The following PTPRD variants were observed in gnomAD, a reference collection of about 807,000 sequenced individuals.
PTPRD encodes receptor-type tyrosine-protein phosphatase delta.
In PTPRD, 34 loss-of-function variants were observed where a neutral mutation model predicts 214.5. The observed-to-expected ratio is 0.16, with a 90% CI of 0.12 to 0.21. PTPRD has a LOEUF of 0.21. Among genes scored for constraint, PTPRD ranks in the 10% least tolerant of loss-of-function variants. The probability of loss-of-function intolerance (pLI) is 1.00; values close to 1 mark genes in which losing one functional copy is unlikely to be tolerated. For missense variants in PTPRD, 2,545 were observed against 2,398.7 expected, an observed-to-expected ratio of 1.06 and a Z score of -1.27; for synonymous variants, 1,128 against 845.7, an observed-to-expected ratio of 1.33 and a Z score of -5.79.
At chr9:8,748,522 C>CAAAAAAAAAAAAAAAAAAAAA (rs1239091825) in intron 11 of PTPRD, among the ~76,000 whole-genome samples, 1 of 37,830 alleles carries the variant, frequency 2.6e-5, no homozygotes, top group Non-Finnish European at 6.1e-5. Context: ...CCTGCAACTG[C>CAAAAAAAAAAAAAAAAAAAAA]AAAAAAAAAA....
At chr9:9,858,853 T>C (rs1196505561) in intron 5 of PTPRD, among the ~76,000 whole-genome samples, 1 of 152,020 alleles carries the variant, frequency 6.6e-6, no homozygotes, top group African/African-American at 2.4e-5. Flanking sequence ...GGGGAAAAAA[T>C]TAATCCAACC....
chr9:10,274,009 T>C (rs1017423053), intron 3 of PTPRD, among the ~76,000 whole-genome samples: 5 of 152,138 alleles, frequency 3.3e-5, no homozygotes, highest in African/African-American at 1.2e-4. Context: ...ATACTACTTC[T>C]GTTTGTATCC....
intron 8 of PTPRD, among the ~76,000 whole-genome samples, chr9:9,502,053 C>T (rs1319464860): frequency 6.6e-6 from 1 of 151,814 alleles, no homozygotes; most frequent in Non-Finnish European, 1.5e-5. Flanking sequence ...ACCACTACCA[C>T]AATCGATGTC....
Position 10,606,533 on chromosome 9 carries a change from CT to C in PTPRD, c.-600+5864del, listed in dbSNP as rs34402701. On this transcript the variant is annotated intron_variant, in intron 2 of 45. Coordinates refer to ENST00000381196, the MANE Select transcript of PTPRD (RefSeq NM_002839.4). ...CACTCCATTACTTCTTCTTTATTTT[CT>C]TTTTTTTTTTTTCTGTTTCTGTGCT... 2.0e-3 allele frequency among the ~76,000 whole-genome samples: 282 copies of C among 143,422 alleles called. 1 individual carries two copies. The highest frequency in any genetic ancestry group is 5.3e-3 in the African/African-American group (208 of 39,166). 94.1% of individuals were successfully genotyped at this position (143,422 alleles called of 152,430 possible). A position where few individuals can be genotyped will look rare whatever the true frequency, so the allele number is the denominator to read the frequency against.
chr9:9,082,692 C>A (rs1228850411), intron 10 of PTPRD, among the ~76,000 whole-genome samples: 1 of 152,128 alleles, frequency 6.6e-6, no homozygotes, highest in Admixed American at 6.6e-5. Context: ...TGAGAAGCAA[C>A]TTCAGCAAAG....
intron 7 of PTPRD, among the ~76,000 whole-genome samples, chr9:9,600,211 A>G (rs1186673934): frequency 6.6e-6 from 1 of 152,106 alleles, no homozygotes; most frequent in African/African-American, 2.4e-5. Flanking sequence ...TGTGACACAA[A>G]TTATTTGCCA....
chr9:8,922,210 A>G (rs939577283), intron 11 of PTPRD, among the ~76,000 whole-genome samples: 1 of 152,126 alleles, frequency 6.6e-6, no homozygotes, highest in Non-Finnish European at 1.5e-5. Context: ...TTCTCTATTA[A>G]GTCCAGTGTT....
chr9:10,344,545 A>G (rs1045512657), intron 2 of PTPRD, among the ~76,000 whole-genome samples: 3 of 152,262 alleles, frequency 2.0e-5, no homozygotes, highest in African/African-American at 7.2e-5. Flanking sequence ...ACTTTAAAGT[A>G]GTTTTTTTCC....
At chr9:9,072,935 G>C (rs529323721) in intron 10 of PTPRD, among the ~76,000 whole-genome samples, 7 of 152,124 alleles carry the variant, frequency 4.6e-5, no homozygotes, top group Non-Finnish European at 2.9e-5. Context: ...AAAAAATTAC[G>C]TGCCATCTTG....
chr9:9,467,010 C>T (rs1448836977), intron 8 of PTPRD, among the ~76,000 whole-genome samples: 1 of 151,972 alleles, frequency 6.6e-6, no homozygotes, highest in Non-Finnish European at 1.5e-5. Flanking sequence ...TAAGTCTTTC[C>T]ACTCATGTAT....
chr9:10,116,841 CTGGGAGCCTTTGCACT>C (rs1434998303), intron 3 of PTPRD, among the ~76,000 whole-genome samples: 5 of 152,074 alleles, frequency 3.3e-5, no homozygotes, highest in Non-Finnish European at 5.9e-5. Flanking sequence ...ATACCCCCAA[CTGGGAGCCTTTGCACT>C]TGCTCTTCCT....
intron 9 of PTPRD, among the ~76,000 whole-genome samples, chr9:9,333,062 T>C (rs1417755017): frequency 6.6e-6 from 1 of 151,950 alleles, no homozygotes; most frequent in Non-Finnish European, 1.5e-5. Context: ...TATTAAATGT[T>C]TGAGCTGTTC....
chr9:9,097,758 A>C (rs1460476778), intron 10 of PTPRD, among the ~76,000 whole-genome samples: 1 of 152,114 alleles, frequency 6.6e-6, no homozygotes, highest in Non-Finnish European at 1.5e-5. Context: ...TATGGGTCTC[A>C]TGTTTCTACA....
intron 9 of PTPRD, among the ~76,000 whole-genome samples, chr9:9,275,199 T>TATATAACATATATATAATATATATGTTA (rs1491465404): frequency 1.9e-4 from 2 of 10,394 alleles, no homozygotes; most frequent in Admixed American, 2.0e-3. Flanking sequence ...TATATATATA[T>TATATAACATATATATAATATATATGTTA]TATATATATA....
At chr9:10,532,009 A>T (rs2056497485) in intron 2 of PTPRD, 1 of 152,124 alleles carries the variant, frequency 6.6e-6, no homozygotes, top group Admixed American at 6.6e-5. Context: ...TTAATACTTT[A>T]TTTTAAAATT....
intron 11 of PTPRD, among the ~76,000 whole-genome samples, chr9:8,780,951 A>G (rs1192544136): frequency 6.6e-6 from 1 of 152,210 alleles, no homozygotes; most frequent in Non-Finnish European, 1.5e-5. Flanking sequence ...AGATATTGTA[A>G]GTATAAATTA....
At chr9:9,263,795 C>T (rs1260177992) in intron 9 of PTPRD, among the ~76,000 whole-genome samples, 1 of 151,642 alleles carries the variant, frequency 6.6e-6, no homozygotes, top group Non-Finnish European at 1.5e-5. Flanking sequence ...ACACCACAGA[C>T]ACTTGAGTAG....
At chr9:9,840,761 CAAAAAAAAAAAAAAAAAAAAAAAAA>C (rs59780411) in intron 5 of PTPRD, among the ~76,000 whole-genome samples, 2 of 61,622 alleles carry the variant, frequency 3.2e-5, no homozygotes, top group Non-Finnish European at 5.3e-5. Flanking sequence ...GACTCCGTTT[CAAAAAAAAAAAAAAAAAAAAAAAAA>C]AAAAAAAAAA....
intron 6 of PTPRD, among the ~76,000 whole-genome samples, chr9:9,735,866 C>T (rs1445267465): frequency 6.6e-5 from 10 of 151,986 alleles, no homozygotes; most frequent in African/African-American, 2.2e-4. Flanking sequence ...CTTTGCGGTG[C>T]GTTATAAACC....
Sources: allele counts gnomAD v4.1 joint callset (sites outside exome capture counted in the v4.1 genomes callset), GRCh38; gene constraint gnomAD v4.1.1; transcripts MANE v1.5; gene names NCBI Gene and HGNC (gene_info 2026-07-23, HGNC 2026-07-21).